UGT1A4: variants seen among roughly 807,000 people sequenced by gnomAD.
UGT1A4 encodes the protein UDP glucuronosyltransferase family 1 member A4, also known as UDP-glucuronosyltransferase 1A4.
In UGT1A4, 32 loss-of-function variants were observed where a neutral mutation model predicts 41.1. The observed-to-expected ratio is 0.78, with a 90% confidence interval of 0.59 to 1.05. UGT1A4 has a LOEUF of 1.05. Among genes scored for constraint, UGT1A4 ranks in the 50% least tolerant of loss-of-function variants. UGT1A4 has a pLI of 0.00. For synonymous variants in UGT1A4, 283 were observed against 265.1 expected (o/e 1.07, Z -0.66); for missense variants, 748 against 677.4 (o/e 1.10, Z -1.16).
intron 1 of UGT1A4, chr2:233,729,586 G>T (rs138085546): frequency 2.5e-6 from 4 of 1,614,044 alleles, no homozygotes; most frequent in Non-Finnish European, 2.5e-6. Flanking sequence ...AACAGACCCC[G>T]TTAACCTCTG....
chr2:233,726,321 G>A (rs1278846802), intron 1 of UGT1A4, among the ~76,000 whole-genome samples: 1 of 152,184 alleles, frequency 6.6e-6, no homozygotes, highest in African/African-American at 2.4e-5. Context: ...GAGCTCAGGA[G>A]TTTCAGCACC....
chr2:233,748,845 C>A (rs936990961), intron 1 of UGT1A4, among the ~76,000 whole-genome samples: 1 of 151,120 alleles, frequency 6.6e-6, no homozygotes, highest in South Asian at 2.1e-4. Context: ...AAACTGTGAG[C>A]GTATAAGCCC....
chr2:233,759,264 GCTGCATT>G (rs1697095056), intron 1 of UGT1A4, among the ~76,000 whole-genome samples: 1 of 152,204 alleles, frequency 6.6e-6, no homozygotes, highest in South Asian at 2.1e-4. Context: ...GGTCACTGCA[GCTGCATT>G]CTGATTGGTT....
chr2:233,762,295 C>T (rs898920191), intron 1 of UGT1A4, among the ~76,000 whole-genome samples: 2 of 152,172 alleles, frequency 1.3e-5, no homozygotes, highest in South Asian at 2.1e-4. Context: ...AGGTGCCAAC[C>T]GAGGTCTAGT....
At chr2:233,747,405 G>C (rs112085732) in intron 1 of UGT1A4, 2 of 1,607,054 alleles carry the variant, frequency 1.2e-6, no homozygotes, top group Non-Finnish European at 1.7e-6. Context: ...CACCCCAGAG[G>C]TGAATATGCA....
rs368518074 is a variant in UGT1A4, at chr2:233,743,691, C to A, written c.868-23343C>A. On this transcript the variant is annotated intron_variant, in intron 1 of 4. Coordinates refer to ENST00000373409, the MANE Select transcript of UGT1A4 (RefSeq NM_007120.3). The stretch of plus-strand genomic sequence containing the variant: ...TCGAAGGGCCTGCCGCCTGTGCAGC[C>A]GCCCTCCGCCCCCGCCTCGCCATAG... 5.1e-6 allele frequency: 7 copies of A among 1,367,238 alleles called. No individual in the cohort carries two copies. In the South Asian group the frequency reaches 7.9e-5, roughly 16 times the overall value. 84.7% of individuals were successfully genotyped at this position (1,367,238 alleles called of 1,614,324 possible).
At chr2:233,728,461 T>G (rs1047446637) in intron 1 of UGT1A4, among the ~76,000 whole-genome samples, 5 of 152,176 alleles carry the variant, frequency 3.3e-5, no homozygotes, top group African/African-American at 2.4e-5. Context: ...CAACAAAGTC[T>G]TCCCAAGAAT....
At chr2:233,755,027 C>T (rs759197919) in intron 1 of UGT1A4, 2 of 1,309,218 alleles carry the variant, frequency 1.5e-6, no homozygotes, top group African/African-American at 3.0e-5. Flanking sequence ...CCTTGAAGGG[C>T]CTGCCGCCTG....
At chr2:233,730,562 ACACGAAGTT>A (rs963460994) in intron 1 of UGT1A4, among the ~76,000 whole-genome samples, 4 of 152,160 alleles carry the variant, frequency 2.6e-5, no homozygotes, top group Admixed American at 6.5e-5. Context: ...AGAGAATGAC[ACACGAAGTT>A]CAGTTTCCAG....
chr2:233,731,908 A>T (rs2078219373), intron 1 of UGT1A4, among the ~76,000 whole-genome samples: 1 of 152,202 alleles, frequency 6.6e-6, no homozygotes, highest in African/African-American at 2.4e-5. Flanking sequence ...CCAATGGTGT[A>T]AAAGTGTTCC....
At position 233,727,644 on chromosome 2, in the gene UGT1A4, C is replaced by A. The variant is rs139554548; in HGVS notation, c.867+7957C>A. Among the ~76,000 whole-genome samples the A allele has an allele frequency of 3.5e-3, 526 of 152,272 alleles. 4 individuals are homozygous for A. The highest frequency in any genetic ancestry group is 0.012 in the African/African-American group (505 of 41,558). Reference sequence around the variant, plus strand: ...AGAGGTTGCACCCACAGCTGAGAATCCCTTTCTAGTGCTCTATGTCCTTAC... The same window carrying A: ...AGAGGTTGCACCCACAGCTGAGAATACCTTTCTAGTGCTCTATGTCCTTAC... On this transcript the variant is annotated intron_variant, in intron 1 of 4. Transcript: ENST00000373409.
At chr2:233,758,413 A>G (rs578024460) in intron 1 of UGT1A4, among the ~76,000 whole-genome samples, 1 of 152,136 alleles carries the variant, frequency 6.6e-6, no homozygotes, top group African/African-American at 2.4e-5. Context: ...ACTGTCTATA[A>G]TCTGCAAATG....
intron 1 of UGT1A4, chr2:233,754,464 GA>G (rs1321314205): frequency 8.4e-6 from 3 of 356,342 alleles, no homozygotes; most frequent in African/African-American, 2.1e-5. Context: ...CAGCTGTTCT[GA>G]AAGTAAAGTT....
intron 1 of UGT1A4, among the ~76,000 whole-genome samples, chr2:233,720,799 G>A (rs796093691): frequency 6.1e-4 from 92 of 151,266 alleles, no homozygotes; most frequent in African/African-American, 2.0e-3. Flanking sequence ...TTCACCTCCC[G>A]GGTTTAAGAA....
chr2:233,719,883 T>C (rs871514), intron 1 of UGT1A4, among the ~76,000 whole-genome samples, 196 bp downstream of exon 1: 81,602 of 151,974 alleles, frequency 0.54, 23,564 homozygotes, highest in African/African-American at 0.76. Context: ...GAGGCACGGA[T>C]GAGGGTCTGT....
chr2:233,752,524 A>T (rs1231920163), intron 1 of UGT1A4: 1 of 152,204 alleles, frequency 6.6e-6, no homozygotes, highest in African/African-American at 2.4e-5. Context: ...TCAATTCTAA[A>T]AATTCTTTAA....
intron 1 of UGT1A4, chr2:233,760,819 A>C (rs1210599713): frequency 1.2e-6 from 2 of 1,613,450 alleles, no homozygotes. Context: ...ACTGCCATGC[A>C]GCCTGGAATT....
intron 1 of UGT1A4, among the ~76,000 whole-genome samples, chr2:233,734,449 A>ATTTTCTTGATC (rs200649315): frequency 0.065 from 9,832 of 151,068 alleles, 532 homozygotes; most frequent in African/African-American, 0.16. Context: ...AGGTCTATCA[A>ATTTTCTTGATC]TTTTCAAAAT....
chr2:233,767,947 C>T lies in UGT1A4; in HGVS notation c.1087+11C>T, dbSNP rs61764033. On this transcript the variant is annotated intron_variant, in intron 3 of 4. Coordinates refer to ENST00000373409, the MANE Select transcript of UGT1A4 (RefSeq NM_007120.3). ...AAAACGATCTGCTTGGTATGTTGGG[C>T]GGATTGGATGTATAGGTCAAACCAG... 4.4e-5 allele frequency: 71 copies of T among 1,614,092 alleles called. No individual in the cohort carries two copies. Among genetic ancestry groups the T allele is most frequent in the Middle Eastern group, 1.6e-4 (1 of 6,062 alleles).
Sources: allele counts gnomAD v4.1 joint callset (sites outside exome capture counted in the v4.1 genomes callset), GRCh38; gene constraint gnomAD v4.1.1; transcripts MANE v1.5; gene names NCBI Gene and HGNC (gene_info 2026-07-23, HGNC 2026-07-21).